Variants in CD8B2 observed in about 807,000 individuals in gnomAD.
CD8B2 encodes the protein CD8B family member 2.
CD8B2 carries 11 observed loss-of-function variants against 23.7 expected under a neutral mutation model. The ratio of observed to expected loss-of-function variants is 0.46; its 90% CI spans 0.29 to 0.77. The LOEUF is 0.77. Ranked by LOEUF, CD8B2 falls within the 30% of genes least tolerant of loss-of-function variation. The probability of loss-of-function intolerance (pLI) is 0.09; values close to 1 mark genes in which losing one functional copy is unlikely to be tolerated. For synonymous variants in CD8B2, 90 were observed against 109.3 expected (o/e 0.82, Z 1.10); for missense variants, 197 against 270.5 (o/e 0.73, Z 1.91).
At chr2:106,495,395 C>T (rs954018261) in intron 2 of CD8B2, among the ~76,000 whole-genome samples, 6 of 151,956 alleles carry the variant, frequency 3.9e-5, no homozygotes, top group Non-Finnish European at 8.8e-5. Flanking sequence ...AGTGGCACGA[C>T]GAATGCAGTG....
Position 106,507,746 on chromosome 2 carries a change from A to G in CD8B2, c.*806A>G, listed in dbSNP as rs1209985617. On this transcript the variant is annotated 3_prime_UTR_variant, in exon 6 of 6. Transcript: ENST00000643224. ...CAGTGGAACAGAAACCAGAAGGAGA[A>G]AATTTGTACATCCTCCTTTTGCACC... The G allele has an allele frequency of 1.7e-6, 1 of 589,486 alleles. No homozygotes were observed. The highest frequency in any genetic ancestry group is 1.4e-4 in the East Asian group (1 of 7,030). The allele number at this position is 589,486 out of a possible 1,614,324, so 36.5% of individuals were successfully genotyped here.
chr2:106,535,277 C>T (rs930620351), intron 5 of CD8B2: 3 of 152,166 alleles, frequency 2.0e-5, no homozygotes, highest in Admixed American at 2.0e-4. Flanking sequence ...AACAAGAGCA[C>T]ACTTAAGATC....
chr2:106,501,342 A>G (rs1053815447), intron 3 of CD8B2, among the ~76,000 whole-genome samples: 6 of 152,014 alleles, frequency 3.9e-5, no homozygotes, highest in Admixed American at 2.6e-4. Context: ...AAGGTACAAA[A>G]GAACAATTTG....
downstream of CD8B2, among the ~76,000 whole-genome samples, chr2:106,512,740 C>T (rs1317687334): frequency 6.6e-6 from 1 of 152,204 alleles, no homozygotes; most frequent in Non-Finnish European, 1.5e-5. Context: ...CCACCATGCC[C>T]AATCCCTTAA....
chr2:106,531,147 A>G (rs1679985305), intron 5 of CD8B2, among the ~76,000 whole-genome samples: 1 of 152,132 alleles, frequency 6.6e-6, no homozygotes. Flanking sequence ...CTGAATCAGG[A>G]CCCCTTTCCT....
chr2:106,510,697 A>G lies in CD8B2; in HGVS notation c.*3757A>G, dbSNP rs1558880729. On this transcript the variant is annotated 3_prime_UTR_variant, in exon 6 of 6. Transcript: ENST00000643224. Reference sequence around the variant, plus strand: ...CAGTGAGCTGTGATCACGCCACTGCACTCCAGCCTGGGCAACACAGACAGA... The same window carrying G: ...CAGTGAGCTGTGATCACGCCACTGCGCTCCAGCCTGGGCAACACAGACAGA... 6.6e-6 allele frequency: 1 copy of G among 152,108 alleles called. No homozygotes were observed. The highest frequency in any genetic ancestry group is 1.5e-5 in the Non-Finnish European group (1 of 68,026). The allele number at this position is 152,108 out of a possible 1,614,324, so 9.4% of individuals were successfully genotyped here.
chr2:106,533,043 T>A (rs911844852), intron 5 of CD8B2, among the ~76,000 whole-genome samples: 1 of 152,172 alleles, frequency 6.6e-6, no homozygotes, highest in Non-Finnish European at 1.5e-5. Flanking sequence ...TGGCAATACT[T>A]GGAACTAGTA....
intron 3 of CD8B2, among the ~76,000 whole-genome samples, chr2:106,496,675 A>G (rs988137089): frequency 2.6e-5 from 4 of 151,980 alleles, no homozygotes; most frequent in Non-Finnish European, 5.9e-5. Flanking sequence ...TCCATATACT[A>G]TATGATTCCA....
downstream of CD8B2, among the ~76,000 whole-genome samples, chr2:106,513,901 T>G (rs1199681950): frequency 1.3e-5 from 2 of 152,158 alleles, no homozygotes; most frequent in Non-Finnish European, 2.9e-5. Context: ...GCAGCCACAC[T>G]GATGCTTCTG....
rs546963908 is a variant in CD8B2 at position 106,517,793 on chromosome 2, A to C, written c.620+13468A>C. Among the ~76,000 whole-genome samples, 7 of 152,010 alleles carry C rather than the reference A, an allele frequency of 4.6e-5. No individual in the cohort carries two copies. In the East Asian group the frequency reaches 1.4e-3, roughly 30 times the overall value. ...AGTGGCGCGATCTCGGCTCACTGCA[A>C]GCTCCGCCTCCCGGGTTCACGCCGT... is the stretch of plus-strand genomic sequence containing the variant. On this transcript the variant is annotated intron_variant, in intron 5 of 5. Coordinates refer to the CD8B2 transcript ENST00000416057.
chr2:106,542,801 A>G (rs1255900952), intron 5 of CD8B2, among the ~76,000 whole-genome samples: 3 of 151,630 alleles, frequency 2.0e-5, no homozygotes, highest in African/African-American at 7.3e-5. Flanking sequence ...CATTTTACAT[A>G]TGTATATGTA....
intron 1 of CD8B2, among the ~76,000 whole-genome samples, chr2:106,489,551 C>G (rs1257505890): frequency 6.6e-6 from 1 of 152,198 alleles, no homozygotes; most frequent in African/African-American, 2.4e-5. Flanking sequence ...ACTCCTGCGT[C>G]TCTGCCCTGG....
At chr2:106,496,793 T>C (rs1234949903) in intron 3 of CD8B2, among the ~76,000 whole-genome samples, 1 of 151,596 alleles carries the variant, frequency 6.6e-6, no homozygotes, top group Non-Finnish European at 1.5e-5. Context: ...TCCTAATGGG[T>C]ATAAGGTTTC....
chr2:106,506,157 C>T (rs1310052235), intron 5 of CD8B2, among the ~76,000 whole-genome samples: 1 of 152,066 alleles, frequency 6.6e-6, no homozygotes, highest in Non-Finnish European at 1.5e-5. Context: ...AAGAAAGTTC[C>T]GTTCAAAATC....
intron 5 of CD8B2, among the ~76,000 whole-genome samples, chr2:106,534,171 G>T (rs1276711537): frequency 3.3e-5 from 5 of 152,158 alleles, no homozygotes; most frequent in African/African-American, 1.2e-4. Flanking sequence ...TAGCTAGGAT[G>T]ACCAGACTCA....
chr2:106,498,789 C>T (rs191519610), intron 3 of CD8B2, among the ~76,000 whole-genome samples: 9 of 152,284 alleles, frequency 5.9e-5, no homozygotes, highest in Middle Eastern at 3.4e-3. Context: ...ACACCAGGCA[C>T]TCAGAGCTTG....
chr2:106,517,400 A>T (rs1679744859), intron 5 of CD8B2, among the ~76,000 whole-genome samples: 2 of 152,006 alleles, frequency 1.3e-5, no homozygotes, highest in Admixed American at 1.3e-4. Flanking sequence ...GGCCCTGCTG[A>T]CATTTTTGTT....
chr2:106,520,678 G>A (rs1368502623), intron 5 of CD8B2, among the ~76,000 whole-genome samples: 1 of 152,044 alleles, frequency 6.6e-6, no homozygotes, highest in Non-Finnish European at 1.5e-5. Flanking sequence ...GATCACTTGA[G>A]GTCCAACATG....
Position 106,496,236 on chromosome 2 carries a change from G to A in CD8B2, c.467G>A (p.Arg156Gln), listed in dbSNP as rs976215620. The A allele has an allele frequency of 1.1e-4, 166 of 1,537,930 alleles. 1 individual carries two copies. The highest frequency in any genetic ancestry group is 6.6e-4 in the Admixed American group (32 of 48,366). The change falls in exon 3 of 6, where the codon CGG becomes CAG. Residue 156 changes from arginine (R) to glutamine (Q), a missense_variant. Physicochemically the swap from Arg to Gln is conservative, Grantham distance 43. Transcript: ENST00000643224. ...TCCACCCTCAAGAAGAGAGTGTGCC[G>A]GTTACCCAGGCCAGAGACCCAGAAG... is the stretch of plus-strand genomic sequence containing the variant. Reference protein sequence around the residue: ...KKSTLKKRVCRLPRPETQKGP... With the variant: ...KKSTLKKRVCQLPRPETQKGP...
Sources: allele counts gnomAD v4.1 joint callset (sites outside exome capture counted in the v4.1 genomes callset), GRCh38; gene constraint gnomAD v4.1.1; transcripts MANE v1.5; gene names NCBI Gene and HGNC (gene_info 2026-07-23, HGNC 2026-07-21).